The following SLC9A8 variants were observed in gnomAD, a reference collection of about 807,000 sequenced individuals.
SLC9A8 encodes the protein sodium/hydrogen exchanger 8.
In SLC9A8, 48 loss-of-function variants were observed where a neutral mutation model predicts 66.6. That is an observed-to-expected ratio of 0.72 (90% confidence interval 0.57 to 0.92). The LOEUF is 0.92. Ranked by LOEUF, SLC9A8 falls within the 40% of genes least tolerant of loss-of-function variation. The probability of loss-of-function intolerance (pLI) is 0.00; values close to 1 mark genes in which losing one functional copy is unlikely to be tolerated. For missense variants in SLC9A8, 599 were observed against 747.3 expected, an observed-to-expected ratio of 0.80 and a Z score of 2.31; for synonymous variants, 274 against 282.6, an observed-to-expected ratio of 0.97 and a Z score of 0.31.
At chr20:49,869,002 A>G (rs577205528) in intron 10 of SLC9A8, among the ~76,000 whole-genome samples, 4 of 152,164 alleles carry the variant, frequency 2.6e-5, no homozygotes, top group Non-Finnish European at 5.9e-5. Context: ...CATGTTAACT[A>G]TTTTTATTGT....
chr20:49,887,620 C>T (rs2089938030), intron 15 of SLC9A8, among the ~76,000 whole-genome samples: 1 of 152,170 alleles, frequency 6.6e-6, no homozygotes, highest in African/African-American at 2.4e-5. Flanking sequence ...GCTCCCTCCT[C>T]CTTTCTGAAT....
In SLC9A8 at chr20:49,835,487, T is replaced by C. The variant is rs888520567; in HGVS notation, c.290-4054T>C. Reference sequence around the variant, plus strand: ...TTTCATTACCCCAAAAAGAAACTCATACCCATTAGCAGTCACTCCCCATTT... The same window carrying C: ...TTTCATTACCCCAAAAAGAAACTCACACCCATTAGCAGTCACTCCCCATTT... On this transcript the variant is annotated intron_variant, in intron 3 of 15. Coordinates refer to ENST00000361573, the MANE Select transcript of SLC9A8 (RefSeq NM_015266.3). Among the ~76,000 whole-genome samples, 3 of 152,200 alleles carry C rather than the reference T, an allele frequency of 2.0e-5. 1 individual carries two copies.
intron 8 of SLC9A8, among the ~76,000 whole-genome samples, chr20:49,860,921 G>C (rs671130): frequency 6.6e-6 from 1 of 151,720 alleles, no homozygotes; most frequent in African/African-American, 2.4e-5. Context: ...CATGGAATGA[G>C]GCACGACAGT....
At chr20:49,840,925 TG>T in intron 4 of SLC9A8, among the ~76,000 whole-genome samples, 1 of 151,008 alleles carries the variant, frequency 6.6e-6, no homozygotes. Flanking sequence ...GAGACCAGCC[TG>T]GGCAACATGG....
At position 49,886,726 on chromosome 20, in the gene SLC9A8, T is replaced by G. The variant is rs1600830769; in HGVS notation, c.1492-26T>G. On this transcript the variant is annotated intron_variant, in intron 14 of 15. Coordinates refer to ENST00000361573, the MANE Select transcript of SLC9A8 (RefSeq NM_015266.3). The surrounding 1 kb of genome is among the most constrained non-coding windows in gnomAD (Gnocchi z 4.8). ...CCCCGATGGTGCCAGCTGGTGGCCGTCGGGCCGCCTTTCCTCCCTGCTCAG... is the reference window on the plus strand; with the variant it reads ...CCCCGATGGTGCCAGCTGGTGGCCGGCGGGCCGCCTTTCCTCCCTGCTCAG... The G allele has an allele frequency of 5.0e-6, 8 of 1,603,052 alleles. No homozygotes were observed. Among genetic ancestry groups the G allele is most frequent in the Non-Finnish European group, 6.8e-6 (8 of 1,173,582 alleles).
In SLC9A8 at chr20:49,812,896, A is replaced by C; in HGVS notation, c.-27A>C. The C allele has an allele frequency of 6.7e-7, 1 of 1,496,502 alleles. No individual in the cohort carries two copies. The highest frequency in any genetic ancestry group is 1.7e-4 in the Middle Eastern group (1 of 5,732). The allele number at this position is 1,496,502 out of a possible 1,614,324, so 92.7% of individuals were successfully genotyped here. On this transcript the variant is annotated 5_prime_UTR_variant, in exon 1 of 16. Coordinates refer to ENST00000361573, the MANE Select transcript of SLC9A8 (RefSeq NM_015266.3). ...GGTCCTGCTAGCCCCGCGGCTCCGA[A>C]CTCGGTGGTCCTGGAAGCTCCGCAG...
chr20:49,872,675 C>A (rs576417078), intron 10 of SLC9A8, among the ~76,000 whole-genome samples: 8 of 151,964 alleles, frequency 5.3e-5, no homozygotes, highest in Admixed American at 5.3e-4. Flanking sequence ...TTAGTAGAGA[C>A]GGGGTTTCAC....
At chr20:49,862,795 T>C in intron 8 of SLC9A8, 134 bp from the exon 9 acceptor site, 3 of 766,530 alleles carry the variant, frequency 3.9e-6, no homozygotes, top group Non-Finnish European at 6.1e-6. Flanking sequence ...ACAATAAACG[T>C]TTGGCTGACT....
chr20:49,819,217 G>A (rs951238140), intron 2 of SLC9A8, among the ~76,000 whole-genome samples: 1 of 152,122 alleles, frequency 6.6e-6, no homozygotes, highest in Admixed American at 6.5e-5. Flanking sequence ...AAACTTAATG[G>A]AGTTATTATG....
At position 49,819,452 on chromosome 20, in the gene SLC9A8, G is replaced by T. The variant is rs2086661794; in HGVS notation, c.209-3609G>T. Among the ~76,000 whole-genome samples, 3 of 152,214 alleles carry T rather than the reference G, an allele frequency of 2.0e-5. No individual in the cohort carries two copies. In the South Asian group the frequency reaches 6.2e-4, roughly 32 times the overall value. ...GTTGCAAATTTGTTTTGACATAAAT[G>T]GGGTCCCATAACTTGCCTTTTCATC... On this transcript the variant is annotated intron_variant, in intron 2 of 15. Coordinates refer to ENST00000361573, the MANE Select transcript of SLC9A8 (RefSeq NM_015266.3).
chr20:49,821,746 A>G (rs925675551), intron 2 of SLC9A8, among the ~76,000 whole-genome samples: 1 of 152,194 alleles, frequency 6.6e-6, no homozygotes, highest in Non-Finnish European at 1.5e-5. Context: ...ATTCAGGAAT[A>G]ATTTTTGTGA....
At chr20:49,854,023 C>T (rs764528289) in intron 7 of SLC9A8, among the ~76,000 whole-genome samples, 2 of 152,222 alleles carry the variant, frequency 1.3e-5, no homozygotes, top group East Asian at 1.9e-4. Context: ...CCTTTTCCCC[C>T]TAGACCCAGG....
In SLC9A8 at chr20:49,812,849, G is replaced by GCGGAAGC. The variant is rs2086398022; in HGVS notation, c.-66_-60dup. 4.0e-6 allele frequency: 6 copies of GCGGAAGC among 1,483,942 alleles called. No individual in the cohort carries two copies. The highest frequency in any genetic ancestry group is 2.9e-5 in the East Asian group (1 of 34,698). The allele number at this position is 1,483,942 out of a possible 1,614,324, so 91.9% of individuals were successfully genotyped here. Reference sequence around the variant, plus strand: ...TCCCGCTCGCCCGCCCGCGCCTCCAGCGGAAGCCGGAAGCAAAAGCGGGTC... The same window carrying GCGGAAGC: ...TCCCGCTCGCCCGCCCGCGCCTCCAGCGGAAGCCGGAAGCCGGAAGCAAAAGCGGGTC... On this transcript the variant is annotated 5_prime_UTR_variant, in exon 1 of 16. Transcript: ENST00000361573.
intron 3 of SLC9A8, among the ~76,000 whole-genome samples, chr20:49,834,017 G>A (rs942435022): frequency 2.6e-5 from 4 of 151,710 alleles, no homozygotes; most frequent in African/African-American, 9.7e-5. Flanking sequence ...GGGAGGCTGA[G>A]ACAGGCGGAT....
intron 10 of SLC9A8, among the ~76,000 whole-genome samples, chr20:49,866,726 C>T (rs1258916154): frequency 6.6e-6 from 1 of 152,150 alleles, no homozygotes; most frequent in Non-Finnish European, 1.5e-5. Context: ...CCTTCCTCTT[C>T]CCCTTGAGAC....
rs571849858 is a variant in SLC9A8 at position 49,851,321 on chromosome 20, T to A, written c.569+477T>A. On this transcript the variant is annotated intron_variant, in intron 7 of 15. Transcript: ENST00000361573. The stretch of plus-strand genomic sequence containing the variant: ...GTGGTTATTGTAGAAAGCCCCTCCA[T>A]CTGAAGCCACTCCCGTGAGCACTTC... Among the ~76,000 whole-genome samples the A allele has an allele frequency of 2.6e-5, 4 of 152,250 alleles. 1 individual carries two copies. The South Asian group carries it at 8.3e-4, about 32-fold the overall frequency.
At chr20:49,850,115 A>G (rs1466115752) in intron 6 of SLC9A8, among the ~76,000 whole-genome samples, 1 of 152,242 alleles carries the variant, frequency 6.6e-6, no homozygotes, top group East Asian at 1.9e-4. Context: ...GAGAAATAAT[A>G]AAATCAAAGG....
intron 2 of SLC9A8, among the ~76,000 whole-genome samples, chr20:49,822,377 C>G (rs1214444762): frequency 6.6e-6 from 1 of 152,188 alleles, no homozygotes; most frequent in East Asian, 1.9e-4. Context: ...TTCCTCTTCA[C>G]CATATAGTGT....
intron 11 of SLC9A8, among the ~76,000 whole-genome samples, chr20:49,875,716 C>G (rs1179613202): frequency 6.6e-6 from 1 of 151,984 alleles, no homozygotes; most frequent in Admixed American, 6.6e-5. Flanking sequence ...TCAAAATCAC[C>G]CCTGGCATTT....
Sources: allele counts gnomAD v4.1 joint callset (sites outside exome capture counted in the v4.1 genomes callset), GRCh38; gene constraint gnomAD v4.1.1; non-coding constraint Gnocchi (gnomAD v3.1); transcripts MANE v1.5; gene names NCBI Gene and HGNC (gene_info 2026-07-23, HGNC 2026-07-21).